BAZ1A: variants seen among roughly 807,000 people sequenced by gnomAD.
The protein encoded by BAZ1A is bromodomain adjacent to zinc finger domain 1A.
A neutral mutation model predicts 185.2 loss-of-function variants in BAZ1A; 50 were observed. That is an observed-to-expected ratio of 0.27 (90% confidence interval 0.22 to 0.34). BAZ1A has a LOEUF of 0.34. Ranked by LOEUF, BAZ1A falls within the 10% of genes least tolerant of loss-of-function variation. The pLI is 1.00. For synonymous variants in BAZ1A, 571 were observed against 615.6 expected (o/e 0.93, Z 1.07); for missense variants, 1,356 against 1,839.9 (o/e 0.74, Z 4.81).
At position 34,785,933 on chromosome 14, in the gene BAZ1A, C is replaced by A; in HGVS notation, c.1675G>T (p.Ala559Ser). ...GCTGATGTTACATCAGCACCTGAAG[C>A]TAAGATGTGCAGTCTGAGGATTTCT... The part of the protein sequence containing the change: ...LSEILRLHIL[A>S]SGADVTSANA... The change falls in exon 14 of 27, where the codon GCT becomes TCT. Residue 559 changes from alanine (A) to serine (S), a missense_variant. By Grantham distance (99) the Ala-to-Ser change is moderately conservative. This residue lies in a region of BAZ1A where 184 missense variants were observed against 355.1 expected (regional missense o/e 0.52). Transcript: ENST00000360310. 6.2e-7 allele frequency: 1 copy of A among 1,614,062 alleles called. No individual in the cohort carries two copies.
At chr14:34,854,646 T>A (rs1359867581) in intron 3 of BAZ1A, among the ~76,000 whole-genome samples, 4 of 151,990 alleles carry the variant, frequency 2.6e-5, no homozygotes, top group Non-Finnish European at 2.9e-5. Flanking sequence ...CATTTTCATT[T>A]TAATCTCGCA....
At chr14:34,838,541 A>G (rs1484425669) in intron 3 of BAZ1A, among the ~76,000 whole-genome samples, 1 of 145,742 alleles carries the variant, frequency 6.9e-6, no homozygotes, top group South Asian at 2.2e-4. Context: ...TTTTTTTTGG[A>G]GACAGAGTCT....
intron 25 of BAZ1A, among the ~76,000 whole-genome samples, chr14:34,756,997 A>G (rs1207409695): frequency 6.6e-6 from 1 of 152,222 alleles, no homozygotes; most frequent in African/African-American, 2.4e-5. Flanking sequence ...AATGGTACTC[A>G]ATTAACTCTA....
chr14:34,785,759 C>G lies in BAZ1A; in HGVS notation c.1831+18G>C. On this transcript the variant is annotated intron_variant, in intron 14 of 26. Coordinates refer to ENST00000360310, the MANE Select transcript of BAZ1A (RefSeq NM_013448.3). ...AGGAAGTGGGCAGGTTATGCAAATT[C>G]CAACTTGCAAAGCTTACCTGGTGTC... 6.2e-7 allele frequency: 1 copy of G among 1,610,156 alleles called. No homozygotes were observed. The highest frequency in any genetic ancestry group is 1.1e-5 in the South Asian group (1 of 90,998).
chr14:34,873,313 T>C (rs1363300622), intron 2 of BAZ1A, among the ~76,000 whole-genome samples: 1 of 152,146 alleles, frequency 6.6e-6, no homozygotes, highest in Non-Finnish European at 1.5e-5. Flanking sequence ...GGACTCCTTT[T>C]GAGTGCAGAG....
At chr14:34,757,001 A>C (rs1221153111) in intron 25 of BAZ1A, among the ~76,000 whole-genome samples, 1 of 152,240 alleles carries the variant, frequency 6.6e-6, no homozygotes, top group East Asian at 1.9e-4. Context: ...GTACTCAATT[A>C]ACTCTATTCA....
intron 3 of BAZ1A, among the ~76,000 whole-genome samples, chr14:34,841,571 G>C (rs1310497893): frequency 2.0e-5 from 3 of 152,134 alleles, no homozygotes; most frequent in African/African-American, 7.2e-5. Flanking sequence ...TGTATTTTTA[G>C]TAGAGACAGG....
chr14:34,799,589 T>A (rs1487035852), intron 9 of BAZ1A, among the ~76,000 whole-genome samples: 1 of 152,062 alleles, frequency 6.6e-6, no homozygotes, highest in African/African-American at 2.4e-5. Flanking sequence ...TTACACCTTA[T>A]TTTTCAAGTA....
intron 16 of BAZ1A, among the ~76,000 whole-genome samples, chr14:34,782,214 A>G (rs192213775): frequency 2.6e-4 from 39 of 152,152 alleles, no homozygotes; most frequent in African/African-American, 8.4e-4. Flanking sequence ...TGATTTCTCA[A>G]CTCCTCATCC....
chr14:34,813,180 T>C (rs1037055729), intron 4 of BAZ1A, among the ~76,000 whole-genome samples: 7 of 151,738 alleles, frequency 4.6e-5, no homozygotes, highest in Non-Finnish European at 1.0e-4. Flanking sequence ...CTGAGGAGTT[T>C]GAGACCAACC....
intron 1 of BAZ1A, 52 bp downstream of exon 1, chr14:34,875,086 G>A (rs2043026037): frequency 5.6e-6 from 2 of 360,304 alleles, no homozygotes; most frequent in South Asian, 2.0e-5. Context: ...CTTTGTTCCC[G>A]GCTCGCCTCC....
At chr14:34,806,344 TTACA>T (rs1881854956) in intron 6 of BAZ1A, among the ~76,000 whole-genome samples, 1 of 152,198 alleles carries the variant, frequency 6.6e-6, no homozygotes, top group African/African-American at 2.4e-5. Context: ...TGCAGGTTTG[TTACA>T]TAGTTAACGT....
rs916384929 is a variant in BAZ1A, at chr14:34,753,023, C to G, written c.*485G>C. The G allele has an allele frequency of 6.5e-6, 1 of 152,828 alleles. No individual in the cohort carries two copies. The highest frequency in any genetic ancestry group is 1.5e-5 in the Non-Finnish European group (1 of 68,190). The allele number at this position is 152,828 out of a possible 1,614,324, so 9.5% of individuals were successfully genotyped here. Reference sequence around the variant, plus strand: ...TTAATACCTGCAGCCAGCACTGGTACAGCACTTCAAGGTTATAAGATTGGA... The same window carrying G: ...TTAATACCTGCAGCCAGCACTGGTAGAGCACTTCAAGGTTATAAGATTGGA... On this transcript the variant is annotated 3_prime_UTR_variant, in exon 27 of 27. Coordinates refer to ENST00000360310, the MANE Select transcript of BAZ1A (RefSeq NM_013448.3).
intron 21 of BAZ1A, among the ~76,000 whole-genome samples, chr14:34,769,635 T>G (rs1879079393): frequency 1.3e-5 from 2 of 152,182 alleles, no homozygotes; most frequent in African/African-American, 4.8e-5. Context: ...TTAAAAAAAC[T>G]TTAATGAAAA....
chr14:34,835,500 G>C (rs1008389325), intron 3 of BAZ1A, among the ~76,000 whole-genome samples: 4 of 151,780 alleles, frequency 2.6e-5, no homozygotes, highest in Non-Finnish European at 5.9e-5. Context: ...ACATTATGTT[G>C]ACCCAAGGGC....
chr14:34,874,354 A>G lies in BAZ1A; in HGVS notation c.113+138T>C. 1.2e-6 allele frequency: 1 copy of G among 806,324 alleles called. No homozygotes were observed. The highest frequency in any genetic ancestry group is 2.9e-5 in the East Asian group (1 of 34,120). The allele number at this position is 806,324 out of a possible 1,614,324, so 49.9% of individuals were successfully genotyped here. ...CCAGGTGGAGGCCAGGAGGCAGAGA[A>G]CCGCGGGCCCGGGGGCCACCCGTCA... On this transcript the variant is annotated intron_variant, in intron 2 of 26. Coordinates refer to ENST00000360310, the MANE Select transcript of BAZ1A (RefSeq NM_013448.3). The surrounding 1 kb of genome is among the most constrained non-coding windows in gnomAD (Gnocchi z 4.7).
intron 21 of BAZ1A, among the ~76,000 whole-genome samples, chr14:34,766,569 A>G (rs1878856507): frequency 6.6e-6 from 1 of 152,156 alleles, no homozygotes; most frequent in African/African-American, 2.4e-5. Context: ...CAGGCACTAC[A>G]TGAAAAAATG....
At position 34,776,379 on chromosome 14, in the gene BAZ1A, T is replaced by C. The variant is rs545162567; in HGVS notation, c.2373A>G (p.Glu791=). 1.5e-5 allele frequency: 24 copies of C among 1,614,140 alleles called. No homozygotes were observed. In the South Asian group the frequency reaches 2.6e-4, roughly 18 times the overall value. ...TACAGGCTATGGCACTTTGGATTTT[T>C]TCTAAGAGCTCTTTCTCTTTTCGTT... ...EHQRKEKELL[E]KIQSAIACTN... Residue 791 remains glutamate (E), a synonymous_variant, in exon 18 of 27, where the codon GAA becomes GAG. Transcript: ENST00000360310.
chr14:34,764,963 C>T (rs1276709446), intron 22 of BAZ1A, 30 bp from the exon 23 acceptor site: 1 of 1,613,398 alleles, frequency 6.2e-7, no homozygotes. Flanking sequence ...GATCATTAAT[C>T]ATCTATTGCT....
Sources: gnomAD v4.1 joint callset for allele counts (sites outside exome capture counted in the v4.1 genomes callset) on GRCh38, gnomAD v4.1.1 for gene constraint, gnomAD v4.1.1 regional missense constraint, Gnocchi (gnomAD v3.1) non-coding constraint, MANE v1.5 for transcripts, NCBI Gene and HGNC (gene_info 2026-07-23, HGNC 2026-07-21) for gene names.